Variants in GABRB1 observed in about 807,000 individuals in gnomAD.
The protein encoded by GABRB1 is gamma-aminobutyric acid receptor subunit beta-1.
A neutral mutation model predicts 51.6 loss-of-function variants in GABRB1; 17 were observed. The observed-to-expected ratio is 0.33, with a 90% CI of 0.23 to 0.49. The LOEUF (loss-of-function observed/expected upper bound fraction) is 0.49, where lower values mean the gene tolerates loss of function less well. Ranked by LOEUF, GABRB1 falls within the 20% of genes least tolerant of loss-of-function variation. The probability of loss-of-function intolerance (pLI) is 0.99; values close to 1 mark genes in which losing one functional copy is unlikely to be tolerated. For synonymous variants in GABRB1, 247 were observed against 218.9 expected (o/e 1.13, Z -1.14); for missense variants, 410 against 600.6 (o/e 0.68, Z 3.32).
chr4:47,333,190 TTATTTATATATA>T (rs1337533503), intron 5 of GABRB1, among the ~76,000 whole-genome samples: 3,052 of 83,420 alleles, frequency 0.037, 113 homozygotes, highest in East Asian at 0.17. Flanking sequence ...AAAACCCATT[TTATTTATATATA>T]TATATATATA....
At chr4:47,362,735 A>G (rs1726851234) in intron 5 of GABRB1, among the ~76,000 whole-genome samples, 1 of 152,144 alleles carries the variant, frequency 6.6e-6, no homozygotes, top group Admixed American at 6.6e-5. Flanking sequence ...CCTAAGACAT[A>G]GATACTTAAA....
At chr4:47,040,849 C>G (rs1427331964) in intron 3 of GABRB1, among the ~76,000 whole-genome samples, 2 of 152,014 alleles carry the variant, frequency 1.3e-5, no homozygotes, top group African/African-American at 4.8e-5. Context: ...AGTAATATAG[C>G]TTTTTATCTA....
At chr4:47,357,547 T>C (rs1726632461) in intron 5 of GABRB1, among the ~76,000 whole-genome samples, 1 of 152,162 alleles carries the variant, frequency 6.6e-6, no homozygotes, top group African/African-American at 2.4e-5. Flanking sequence ...CACGAATCAC[T>C]CACACTCATT....
chr4:47,118,658 T>C (rs535116610), intron 3 of GABRB1, among the ~76,000 whole-genome samples: 2 of 152,256 alleles, frequency 1.3e-5, no homozygotes, highest in South Asian at 2.1e-4. Flanking sequence ...TCATATGGGA[T>C]GATTATTGAA....
intron 1 of GABRB1, among the ~76,000 whole-genome samples, chr4:47,011,195 G>A (rs1214477941): frequency 1.3e-5 from 2 of 152,128 alleles, no homozygotes; most frequent in Admixed American, 1.3e-4. Flanking sequence ...AAAGGTGGGA[G>A]GGCCCAGGGA....
chr4:47,381,924 G>A (rs1176285967), intron 5 of GABRB1, among the ~76,000 whole-genome samples: 1 of 152,156 alleles, frequency 6.6e-6, no homozygotes, highest in African/African-American at 2.4e-5. Flanking sequence ...TACAAAGATT[G>A]TCAGATGCGA....
intron 3 of GABRB1, among the ~76,000 whole-genome samples, chr4:47,129,791 G>A (rs964531942): frequency 3.3e-5 from 5 of 152,038 alleles, no homozygotes; most frequent in African/African-American, 1.2e-4. Context: ...ATGAGAGGAT[G>A]CATCAAGTGT....
chr4:47,276,502 C>T (rs1266424769), intron 4 of GABRB1, among the ~76,000 whole-genome samples: 2 of 152,032 alleles, frequency 1.3e-5, no homozygotes, highest in African/African-American at 4.8e-5. Context: ...CCTGTATACT[C>T]CAAGGACTCA....
Position 47,213,462 on chromosome 4 carries a change from C to T in GABRB1, c.461+51993C>T, listed in dbSNP as rs143856595. 4.5e-3 allele frequency among the ~76,000 whole-genome samples: 684 copies of T among 152,096 alleles called. 9 individuals carry two copies. Among genetic ancestry groups the T allele is most frequent in the East Asian group, 0.022 (115 of 5,172 alleles). On this transcript the variant is annotated intron_variant, in intron 4 of 8. Coordinates refer to ENST00000295454, the MANE Select transcript of GABRB1 (RefSeq NM_000812.4). ...ACTCTCTCTCTCTCTCACTCTCTCTCTCTCTCTGTATGCCTCTCACACTCT... is the reference window on the plus strand; with the variant it reads ...ACTCTCTCTCTCTCTCACTCTCTCTTTCTCTCTGTATGCCTCTCACACTCT...
At chr4:47,063,403 A>G (rs1475361648) in intron 3 of GABRB1, among the ~76,000 whole-genome samples, 1 of 152,228 alleles carries the variant, frequency 6.6e-6, no homozygotes. Flanking sequence ...ACATTAAATA[A>G]CTGTCTGCTA....
chr4:47,031,264 T>C (rs772833945), upstream of GABRB1: 1 of 199,450 alleles, frequency 5.0e-6, no homozygotes, highest in Non-Finnish European at 1.0e-5. Context: ...CAACGAAAGA[T>C]GCCAATCACA....
At chr4:47,015,931 A>G (rs1724729187) in intron 1 of GABRB1, among the ~76,000 whole-genome samples, 2 of 152,220 alleles carry the variant, frequency 1.3e-5, no homozygotes, top group South Asian at 2.1e-4. Context: ...CGGTAGAACT[A>G]TGGTAAAAAG....
intron 3 of GABRB1, among the ~76,000 whole-genome samples, chr4:47,068,769 A>G (rs921851449): frequency 2.0e-5 from 3 of 152,210 alleles, no homozygotes; most frequent in Non-Finnish European, 4.4e-5. Context: ...TTAAAATATT[A>G]TGAGAATTGC....
intron 3 of GABRB1, among the ~76,000 whole-genome samples, chr4:47,037,757 G>A (rs1577847781): frequency 1.3e-5 from 2 of 152,026 alleles, no homozygotes; most frequent in South Asian, 2.1e-4. Flanking sequence ...TACATTAATA[G>A]CGATTTAATC....
intron 3 of GABRB1, among the ~76,000 whole-genome samples, chr4:47,141,538 A>G (rs1377773563): frequency 6.6e-6 from 1 of 151,932 alleles, no homozygotes; most frequent in Non-Finnish European, 1.5e-5. Context: ...TATTTTATGG[A>G]CTATGAAATT....
At chr4:47,256,706 T>A (rs192317916) in intron 4 of GABRB1, among the ~76,000 whole-genome samples, 2 of 152,018 alleles carry the variant, frequency 1.3e-5, no homozygotes, top group East Asian at 3.9e-4. Context: ...AAGAGTGAGG[T>A]GCTACACACT....
chr4:47,198,299 C>T (rs1400483670), intron 4 of GABRB1, among the ~76,000 whole-genome samples: 6 of 152,122 alleles, frequency 3.9e-5, no homozygotes, highest in African/African-American at 1.2e-4. Flanking sequence ...GTTTCAGTAC[C>T]TCTTAGTGGG....
At chr4:47,341,800 C>T (rs1448619856) in intron 5 of GABRB1, among the ~76,000 whole-genome samples, 2 of 152,126 alleles carry the variant, frequency 1.3e-5, no homozygotes, top group Admixed American at 1.3e-4. Flanking sequence ...CCCTTCCTTT[C>T]GTGAACATCC....
intron 5 of GABRB1, among the ~76,000 whole-genome samples, chr4:47,342,938 A>C (rs915739210): frequency 6.6e-6 from 1 of 152,140 alleles, no homozygotes; most frequent in Non-Finnish European, 1.5e-5. Flanking sequence ...GCAAGGAAAC[A>C]GACCTCAATG....
Sources: allele counts gnomAD v4.1 joint callset (sites outside exome capture counted in the v4.1 genomes callset), GRCh38; gene constraint gnomAD v4.1.1; transcripts MANE v1.5; gene names NCBI Gene and HGNC (gene_info 2026-07-23, HGNC 2026-07-21).